The following LAMTOR3 variants were observed in gnomAD, a reference collection of about 807,000 sequenced individuals.
LAMTOR3 encodes the protein late endosomal/lysosomal adaptor, MAPK and MTOR activator 3, also known as ragulator complex protein LAMTOR3.
A neutral mutation model predicts 20.3 loss-of-function variants in LAMTOR3; 14 were observed. The ratio of observed to expected loss-of-function variants is 0.69; its 90% CI spans 0.46 to 1.08. The LOEUF is 1.08. LAMTOR3 is among the 50% of genes least tolerant of loss of function. The pLI is 0.00. For missense variants in LAMTOR3, 125 were observed against 143.7 expected (o/e 0.87, Z 0.67); for synonymous variants, 40 against 49.4 (o/e 0.81, Z 0.80).
rs373703492 is a variant in LAMTOR3 at position 99,894,035 on chromosome 4, T to C, written c.-37-35A>G. The stretch of plus-strand genomic sequence containing the variant: ...AAACTCCCGGTGACTCTTCCCTCTT[T>C]GGCTTCCTCGTCCTCCCCACCCACA... On this transcript the variant is annotated intron_variant, in intron 1 of 6. Coordinates refer to ENST00000499666, the MANE Select transcript of LAMTOR3 (RefSeq NM_021970.4). The C allele has an allele frequency of 4.9e-5, 68 of 1,378,710 alleles. 1 individual carries two copies. In the African/African-American group the frequency reaches 9.3e-4, roughly 19 times the overall value. The allele number at this position is 1,378,710 out of a possible 1,614,324, so 85.4% of individuals were successfully genotyped here. A position where few individuals can be genotyped will look rare whatever the true frequency, so the allele number is the denominator to read the frequency against.
Position 99,879,830 on chromosome 4 carries a change from C to T in LAMTOR3, c.*2164G>A, listed in dbSNP as rs895886672. 1 of 149,700 alleles carries T rather than the reference C, an allele frequency of 6.7e-6. No homozygotes were observed. Among genetic ancestry groups the T allele is most frequent in the Non-Finnish European group, 1.5e-5 (1 of 67,670 alleles). The allele number at this position is 149,700 out of a possible 1,614,324, so 9.3% of individuals were successfully genotyped here. On this transcript the variant is annotated 3_prime_UTR_variant, in exon 7 of 7. Transcript: ENST00000499666. ...ACACACCTAGGCTATATGGTATAGC[C>T]TACTACTATACACCTAGGCTATATG...
intron 5 of LAMTOR3, among the ~76,000 whole-genome samples, 158 bp from the exon 6 acceptor site, chr4:99,884,283 G>T (rs946928892): frequency 6.6e-6 from 1 of 152,156 alleles, no homozygotes; most frequent in Non-Finnish European, 1.5e-5. Flanking sequence ...TTATATTTCA[G>T]TGAATATTTC....
chr4:99,893,985 G>A lies in LAMTOR3; in HGVS notation c.-22C>T, dbSNP rs754655298. 1 of 1,538,168 alleles carries A rather than the reference G, an allele frequency of 6.5e-7. No homozygotes were observed. The highest frequency in any genetic ancestry group is 1.2e-5 in the South Asian group (1 of 80,612). ...CCATGATGAACCCCCTTCTCTCGCA[G>A]GATCAATCTCCACGCCTGGAAGAGA... is the stretch of plus-strand genomic sequence containing the variant. On this transcript the variant is annotated 5_prime_UTR_variant, in exon 2 of 7. Transcript: ENST00000499666.
Position 99,880,926 on chromosome 4 carries a change from T to G in LAMTOR3, c.*1068A>C, listed in dbSNP as rs1202027795. Reference sequence around the variant, plus strand: ...ACTGTAGTACCTCTTTCATGGAGATTAAATTAGGTTCATGCCTGAGGTTTC... The same window carrying G: ...ACTGTAGTACCTCTTTCATGGAGATGAAATTAGGTTCATGCCTGAGGTTTC... On this transcript the variant is annotated 3_prime_UTR_variant, in exon 7 of 7. Coordinates refer to ENST00000499666, the MANE Select transcript of LAMTOR3 (RefSeq NM_021970.4). 1 of 152,246 alleles carries G rather than the reference T, an allele frequency of 6.6e-6. No individual in the cohort carries two copies. Among genetic ancestry groups the G allele is most frequent in the African/African-American group, 2.4e-5 (1 of 41,460 alleles). 9.4% of individuals were successfully genotyped at this position (152,246 alleles called of 1,614,324 possible).
intron 2 of LAMTOR3, among the ~76,000 whole-genome samples, chr4:99,893,303 G>A (rs759986649): frequency 1.3e-5 from 2 of 152,110 alleles, no homozygotes; most frequent in Non-Finnish European, 1.5e-5. Flanking sequence ...CTAAGCAACC[G>A]CATTGGCCAG....
chr4:99,893,872 T>A, intron 2 of LAMTOR3, 83 bp downstream of exon 2: 2 of 1,133,662 alleles, frequency 1.8e-6, no homozygotes, highest in South Asian at 2.2e-5. Context: ...AATTTCTGTT[T>A]GGGAAGTTCT....
chr4:99,884,033 A>G, intron 6 of LAMTOR3, 29 bp downstream of exon 6: 1 of 1,448,664 alleles, frequency 6.9e-7, no homozygotes, highest in Non-Finnish European at 9.6e-7. Flanking sequence ...ATTAAGGATT[A>G]AAGTGATATT....
rs1283631547 is a variant in LAMTOR3 at position 99,879,158 on chromosome 4, A to AT, written c.*2835dup. On this transcript the variant is annotated 3_prime_UTR_variant, in exon 7 of 7. Coordinates refer to ENST00000499666, the MANE Select transcript of LAMTOR3 (RefSeq NM_021970.4). ...CTTTTCCCATTGTGATCCCGTCTTT[A>AT]TAACAATGTTTTAAGCCCTCACATG... The AT allele has an allele frequency of 1.3e-5, 2 of 152,170 alleles. No homozygotes were observed. The highest frequency in any genetic ancestry group is 4.8e-5 in the African/African-American group (2 of 41,434). The allele number at this position is 152,170 out of a possible 1,614,324, so 9.4% of individuals were successfully genotyped here.
intron 2 of LAMTOR3, among the ~76,000 whole-genome samples, chr4:99,892,683 T>TTTG (rs1725043854): frequency 6.6e-6 from 1 of 151,448 alleles, no homozygotes; most frequent in Non-Finnish European, 1.5e-5. Context: ...AGGCAACATT[T>TTTG]TTTTTTTTTT....
intron 3 of LAMTOR3, among the ~76,000 whole-genome samples, chr4:99,891,083 T>C (rs1330974798): frequency 6.6e-6 from 1 of 152,210 alleles, no homozygotes. Flanking sequence ...CTTAAGAACA[T>C]TGAATGCAAT....
chr4:99,891,966 G>C (rs374674070), intron 3 of LAMTOR3, 34 bp downstream of exon 3: 20 of 1,560,326 alleles, frequency 1.3e-5, no homozygotes, highest in Non-Finnish European at 1.6e-5. Context: ...ATGGCATATA[G>C]AATTTATTCA....
At chr4:99,889,661 CTG>C (rs1232880060) in intron 3 of LAMTOR3, among the ~76,000 whole-genome samples, 7 of 152,260 alleles carry the variant, frequency 4.6e-5, no homozygotes, top group South Asian at 2.1e-4. Flanking sequence ...TGAGGGGAAA[CTG>C]TGCATGTGGC....
At chr4:99,888,181 G>T (rs148919910) in intron 3 of LAMTOR3, among the ~76,000 whole-genome samples, 1 of 152,186 alleles carries the variant, frequency 6.6e-6, no homozygotes, top group African/African-American at 2.4e-5. Flanking sequence ...ATGCTATCTT[G>T]GGCTAGTTAT....
chr4:99,879,432 T>A lies in LAMTOR3; in HGVS notation c.*2562A>T, dbSNP rs1339588055. ...TTAAGTAGCTCCATTTGTTATCATT[T>A]CTTTTTCTAGGATTTTTAGATATAC... On this transcript the variant is annotated 3_prime_UTR_variant, in exon 7 of 7. Coordinates refer to ENST00000499666, the MANE Select transcript of LAMTOR3 (RefSeq NM_021970.4). The A allele has an allele frequency of 6.6e-6, 1 of 152,202 alleles. No individual in the cohort carries two copies. Among genetic ancestry groups the A allele is most frequent in the East Asian group, 1.9e-4 (1 of 5,204 alleles). The allele number at this position is 152,202 out of a possible 1,614,324, so 9.4% of individuals were successfully genotyped here. A position where few individuals can be genotyped will look rare whatever the true frequency, so the allele number is the denominator to read the frequency against.
intron 3 of LAMTOR3, among the ~76,000 whole-genome samples, chr4:99,889,195 T>TCAA (rs34015134): frequency 6.6e-6 from 1 of 151,796 alleles, no homozygotes; most frequent in Non-Finnish European, 1.5e-5. Flanking sequence ...AGAGTCTGTC[T>TCAA]CAACAACAAC....
chr4:99,887,212 G>T, intron 4 of LAMTOR3, 84 bp downstream of exon 4: 2 of 804,422 alleles, frequency 2.5e-6, no homozygotes, highest in South Asian at 1.8e-5. Flanking sequence ...TTTTATGTTT[G>T]CCTGCTGTAC....
At position 99,893,969 on chromosome 4, in the gene LAMTOR3, AC is replaced by A. The variant is rs1483419051; in HGVS notation, c.-7del. 10 of 1,546,062 alleles carry A rather than the reference AC, an allele frequency of 6.5e-6. No individual in the cohort carries two copies. The Admixed American group carries it at 1.1e-4, about 17-fold the overall frequency. On this transcript the variant is annotated 5_prime_UTR_variant, in exon 2 of 7. Coordinates refer to ENST00000499666, the MANE Select transcript of LAMTOR3 (RefSeq NM_021970.4). The stretch of plus-strand genomic sequence containing the variant: ...GTGTCACTCACATCCGCCATGATGA[AC>A]CCCCTTCTCTCGCAGGATCAATCTC...
intron 2 of LAMTOR3, among the ~76,000 whole-genome samples, chr4:99,893,306 T>C (rs1460314949): frequency 6.6e-6 from 1 of 152,154 alleles, no homozygotes; most frequent in Non-Finnish European, 1.5e-5. Context: ...AGCAACCGCA[T>C]TGGCCAGAAG....
intron 2 of LAMTOR3, among the ~76,000 whole-genome samples, chr4:99,892,870 A>G (rs1175312411): frequency 2.0e-5 from 3 of 151,980 alleles, no homozygotes; most frequent in Non-Finnish European, 2.9e-5. Context: ...AGAAAAGACA[A>G]CGTTTTACCA....
Sources: allele counts gnomAD v4.1 joint callset (sites outside exome capture counted in the v4.1 genomes callset), GRCh38; gene constraint gnomAD v4.1.1; transcripts MANE v1.5; gene names NCBI Gene and HGNC (gene_info 2026-07-23, HGNC 2026-07-21).